Variants in BRSK2 observed in about 807,000 individuals in gnomAD.
The protein encoded by BRSK2 is serine/threonine-protein kinase BRSK2.
BRSK2 carries 19 observed loss-of-function variants against 83.3 expected under a neutral mutation model. The observed-to-expected ratio is 0.23, with a 90% CI of 0.16 to 0.33. BRSK2 has a LOEUF of 0.33. BRSK2 is among the 10% of genes least tolerant of loss of function. The pLI, the probability that BRSK2 is intolerant of heterozygous loss-of-function variation, is 1.00. For missense variants in BRSK2, 798 were observed against 1,042.3 expected (o/e 0.77, Z 3.23); for synonymous variants, 519 against 435.4 (o/e 1.19, Z -2.39).
At chr11:1,420,282 C>T (rs1470922328) in intron 1 of BRSK2, among the ~76,000 whole-genome samples, 2 of 152,248 alleles carry the variant, frequency 1.3e-5, no homozygotes, top group Non-Finnish European at 2.9e-5. Context: ...CCCAACTACC[C>T]TTCTTGTTGG....
intron 10 of BRSK2, 52 bp from the exon 11 acceptor site, chr11:1,445,519 G>T (rs933657530): frequency 1.9e-6 from 3 of 1,602,772 alleles, no homozygotes; most frequent in Admixed American, 3.4e-5. Context: ...CTGCCCCGGA[G>T]GAGCCGGCGG....
chr11:1,405,745 T>C (rs1846827379), intron 1 of BRSK2, among the ~76,000 whole-genome samples: 1 of 152,032 alleles, frequency 6.6e-6, no homozygotes, highest in Non-Finnish European at 1.5e-5. Context: ...TGTGCCGAGG[T>C]GGGGAGGTCC....
chr11:1,393,228 G>T (rs1845837441), intron 1 of BRSK2, among the ~76,000 whole-genome samples: 1 of 152,160 alleles, frequency 6.6e-6, no homozygotes, highest in African/African-American at 2.4e-5. Context: ...GGCACGGGCT[G>T]GGTGGCTTTT....
rs374392356 is a variant in BRSK2, at chr11:1,456,463, A to G, written c.1784A>G (p.Tyr595Cys). ...KPVKFQVDIT[Y>C]TEGGEAQKEN... ...GTCAAGTTCCAGGTTGATATCACCT[A>G]CACGGAGGGTGGGGAGGCGCAGAAG... The change falls in exon 17 of 20, where the codon TAC becomes TGC. Residue 595 changes from tyrosine to cysteine, a missense_variant. Physicochemically the swap from Tyr to Cys is radical, Grantham distance 194. Around this residue, in one of 6 missense-constraint regions of BRSK2, gnomAD observed 455 missense variants for 455.2 expected, o/e 1.00. Coordinates refer to ENST00000528841, the MANE Select transcript of BRSK2 (RefSeq NM_001256627.2). 1.8e-5 allele frequency: 28 copies of G among 1,582,846 alleles called. No homozygotes were observed. The highest frequency in any genetic ancestry group is 4.0e-5 in the African/African-American group (3 of 74,156).
rs191481225 is a variant in BRSK2, at chr11:1,461,376, C to T, written c.*653C>T. ...CTGCGCCGCCTCCGTGTAGTCTTGGCCTCCTCAGGCTGCCTCCCGTCCTCT... is the reference window on the plus strand; with the variant it reads ...CTGCGCCGCCTCCGTGTAGTCTTGGTCTCCTCAGGCTGCCTCCCGTCCTCT... On this transcript the variant is annotated 3_prime_UTR_variant, in exon 20 of 20. Transcript: ENST00000528841. The T allele has an allele frequency of 1.7e-5, 5 of 300,044 alleles. No individual in the cohort carries two copies. Among genetic ancestry groups the T allele is most frequent in the Admixed American group, 1.7e-4 (3 of 18,130 alleles). The allele number at this position is 300,044 out of a possible 1,614,324, so 18.6% of individuals were successfully genotyped here.
intron 15 of BRSK2, among the ~76,000 whole-genome samples, chr11:1,452,114 C>T (rs1442267911): frequency 6.6e-6 from 1 of 152,212 alleles, no homozygotes; most frequent in East Asian, 1.9e-4. Context: ...GGCGGTCAGG[C>T]TGGAGTCACT....
At chr11:1,426,027 C>A (rs1393534499) in intron 1 of BRSK2, among the ~76,000 whole-genome samples, 1 of 152,244 alleles carries the variant, frequency 6.6e-6, no homozygotes, top group African/African-American at 2.4e-5. Flanking sequence ...CAGCCTTCCC[C>A]CTAAACCCAG....
rs909371273 is a variant in BRSK2, at chr11:1,423,275, C to T, written c.92-12765C>T. ...CTTCAGAAACGGCAGAACCAGGGAC[C>T]CTCCCCACTGTCCTGTCCTTAGCGT... On this transcript the variant is annotated intron_variant, in intron 1 of 19. Coordinates refer to ENST00000528841, the MANE Select transcript of BRSK2 (RefSeq NM_001256627.2). The surrounding 1 kb of genome is among the most constrained non-coding windows in gnomAD (Gnocchi z 6.5). Among the ~76,000 whole-genome samples the T allele has an allele frequency of 1.3e-5, 2 of 152,102 alleles. No homozygotes were observed. The highest frequency in any genetic ancestry group is 4.8e-5 in the African/African-American group (2 of 41,414).
At chr11:1,396,330 C>T (rs553908363) in intron 1 of BRSK2, among the ~76,000 whole-genome samples, 3 of 152,288 alleles carry the variant, frequency 2.0e-5, no homozygotes, top group East Asian at 1.9e-4. Flanking sequence ...CTGCATGGGG[C>T]CAGCAAGGCC....
chr11:1,403,055 G>A (rs530621003), intron 1 of BRSK2, among the ~76,000 whole-genome samples: 29 of 152,284 alleles, frequency 1.9e-4, no homozygotes, highest in Non-Finnish European at 2.8e-4. Flanking sequence ...GGGCCACCAC[G>A]GGGTAGGTGC....
At position 1,454,354 on chromosome 11, in the gene BRSK2, C is replaced by A; in HGVS notation, c.1545-131C>A. ...GGTCAGGGCCATGGGTTCTGGCTAGCACTGTGGAGACAGCCGTTTCTATCA... is the reference window on the plus strand; with the variant it reads ...GGTCAGGGCCATGGGTTCTGGCTAGAACTGTGGAGACAGCCGTTTCTATCA... On this transcript the variant is annotated intron_variant, in intron 15 of 19. Coordinates refer to ENST00000528841, the MANE Select transcript of BRSK2 (RefSeq NM_001256627.2). The surrounding 1 kb of genome is among the most constrained non-coding windows in gnomAD (Gnocchi z 5.2). The A allele has an allele frequency of 9.0e-7, 1 of 1,107,972 alleles. No individual in the cohort carries two copies. Among genetic ancestry groups the A allele is most frequent in the Non-Finnish European group, 1.3e-6 (1 of 753,200 alleles). The allele number at this position is 1,107,972 out of a possible 1,614,324, so 68.6% of individuals were successfully genotyped here. A position where few individuals can be genotyped will look rare whatever the true frequency, so the allele number is the denominator to read the frequency against.
At chr11:1,407,387 A>C (rs1172650122) in intron 1 of BRSK2, among the ~76,000 whole-genome samples, 1 of 152,130 alleles carries the variant, frequency 6.6e-6, no homozygotes, top group Non-Finnish European at 1.5e-5. Context: ...GGCCCCACAG[A>C]GTCCACTTGG....
At chr11:1,444,921 C>T (rs1851812708) in intron 8 of BRSK2, 50 bp from the exon 9 acceptor site, 1 of 1,574,376 alleles carries the variant, frequency 6.4e-7, no homozygotes, top group Non-Finnish European at 8.7e-7. Flanking sequence ...CTAATGTGGG[C>T]TCTTTCCGTC....
intron 1 of BRSK2, among the ~76,000 whole-genome samples, chr11:1,393,322 A>G (rs1845842522): frequency 6.6e-6 from 1 of 152,028 alleles, no homozygotes; most frequent in South Asian, 2.1e-4. Context: ...AGCTCCTGAA[A>G]TCTGGGAGGC....
rs1850625741 is a variant in BRSK2, at chr11:1,438,408, C to A, written c.272+17C>A. ...AAAATATTTGTAGGTATTGCTGGGT[C>A]TGAAGAGCTGGGGTGGCGGAGGTGG... On this transcript the variant is annotated intron_variant, in intron 3 of 19. Transcript: ENST00000528841. This position sits in a 1 kb window ranked among gnomAD's most constrained non-coding sequence, Gnocchi z 6.4. 6.2e-7 allele frequency: 1 copy of A among 1,611,496 alleles called. No individual in the cohort carries two copies. Among genetic ancestry groups the A allele is most frequent in the South Asian group, 1.1e-5 (1 of 91,014 alleles).
intron 1 of BRSK2, among the ~76,000 whole-genome samples, chr11:1,434,274 T>C (rs1016485792): frequency 5.9e-5 from 9 of 151,916 alleles, no homozygotes; most frequent in Non-Finnish European, 1.0e-4. Flanking sequence ...TAAAGCCCAG[T>C]GGGAATGCCA....
At chr11:1,460,450 TTTC>T (rs758365160) in intron 19 of BRSK2, 47 bp from the exon 20 acceptor site, 195 of 1,189,180 alleles carry the variant, frequency 1.6e-4, no homozygotes, top group East Asian at 3.2e-4. Context: ...CCCCCTTTTT[TTTC>T]TTTTTTCCTT....
chr11:1,398,714 C>T (rs1881506), intron 1 of BRSK2, among the ~76,000 whole-genome samples: 30,835 of 152,154 alleles, frequency 0.2, 3,368 homozygotes, highest in East Asian at 0.36. Flanking sequence ...TAGGCCTTTC[C>T]CCAGGGCAGC....
In BRSK2 at chr11:1,390,890, G is replaced by A. The variant is rs993111810; in HGVS notation, c.91+515G>A. 6.6e-6 allele frequency among the ~76,000 whole-genome samples: 1 copy of A among 152,206 alleles called. No homozygotes were observed. Among genetic ancestry groups the A allele is most frequent in the Admixed American group, 6.5e-5 (1 of 15,290 alleles). ...CCGCGGTGGGGGCGGGAGAGTGCGGGGACCTGCAGAGGGCTGGACAGCGCC... is the reference window on the plus strand; with the variant it reads ...CCGCGGTGGGGGCGGGAGAGTGCGGAGACCTGCAGAGGGCTGGACAGCGCC... On this transcript the variant is annotated intron_variant, in intron 1 of 19. Coordinates refer to ENST00000528841, the MANE Select transcript of BRSK2 (RefSeq NM_001256627.2). The surrounding 1 kb of genome is among the most constrained non-coding windows in gnomAD (Gnocchi z 6.8).
Sources: gnomAD v4.1 joint callset for allele counts (sites outside exome capture counted in the v4.1 genomes callset) on GRCh38, gnomAD v4.1.1 for gene constraint, gnomAD v4.1.1 regional missense constraint, Gnocchi (gnomAD v3.1) non-coding constraint, MANE v1.5 for transcripts, NCBI Gene and HGNC (gene_info 2026-07-23, HGNC 2026-07-21) for gene names.